ZEB1: variants seen among roughly 807,000 people sequenced by gnomAD.
ZEB1 encodes zinc finger E-box-binding homeobox 1.
A neutral mutation model predicts 84.9 loss-of-function variants in ZEB1; 21 were observed. That is an observed-to-expected ratio of 0.25 (90% confidence interval 0.18 to 0.36). ZEB1 has a LOEUF of 0.36. ZEB1 is among the 10% of genes least tolerant of loss of function. The pLI, the probability that ZEB1 is intolerant of heterozygous loss-of-function variation, is 1.00. For synonymous variants in ZEB1, 420 were observed against 471.1 expected, an observed-to-expected ratio of 0.89 and a Z score of 1.41; for missense variants, 1,104 against 1,330.2, an observed-to-expected ratio of 0.83 and a Z score of 2.65.
At chr10:31,438,604 A>G (rs1457681337) in intron 1 of ZEB1, among the ~76,000 whole-genome samples, 1 of 152,206 alleles carries the variant, frequency 6.6e-6, no homozygotes, top group East Asian at 1.9e-4. Context: ...TGGAAGGCCA[A>G]GCCGGAGGAT....
At chr10:31,499,662 G>T (rs1350487534) in intron 3 of ZEB1, among the ~76,000 whole-genome samples, 1 of 152,164 alleles carries the variant, frequency 6.6e-6, no homozygotes, top group Non-Finnish European at 1.5e-5. Flanking sequence ...CTACTCGGGA[G>T]GCTGAGGCGG....
chr10:31,437,451 A>G (rs1196182032), intron 1 of ZEB1, among the ~76,000 whole-genome samples: 1 of 152,228 alleles, frequency 6.6e-6, no homozygotes, highest in Non-Finnish European at 1.5e-5. Flanking sequence ...CTAGTTACCT[A>G]TAAATTGTTT....
At chr10:31,331,719 T>C (rs2036835949) in intron 1 of ZEB1, among the ~76,000 whole-genome samples, 1 of 152,142 alleles carries the variant, frequency 6.6e-6, no homozygotes, top group Admixed American at 6.5e-5. Flanking sequence ...TAGTGGAAAA[T>C]AATATTCCAT....
intron 1 of ZEB1, among the ~76,000 whole-genome samples, chr10:31,378,713 G>A (rs1286135651): frequency 6.6e-6 from 1 of 151,632 alleles, no homozygotes; most frequent in African/African-American, 2.4e-5. Context: ...TCATTAACAC[G>A]GTAAAAGTAA....
intron 1 of ZEB1, among the ~76,000 whole-genome samples, chr10:31,436,163 G>A (rs998514831): frequency 6.6e-6 from 1 of 152,120 alleles, no homozygotes; most frequent in South Asian, 2.1e-4. Flanking sequence ...GGAATTTATG[G>A]CATATGCAAT....
intron 1 of ZEB1, among the ~76,000 whole-genome samples, chr10:31,334,204 T>C (rs912186755): frequency 4.6e-5 from 7 of 152,152 alleles, no homozygotes; most frequent in Admixed American, 4.6e-4. Context: ...TATGGAACAT[T>C]GTATTCCACA....
At chr10:31,448,342 T>C in intron 1 of ZEB1, among the ~76,000 whole-genome samples, 1 of 105,230 alleles carries the variant, frequency 9.5e-6, no homozygotes, top group Non-Finnish European at 1.8e-5. Flanking sequence ...TTTCAACTTC[T>C]TTGCCTTTGG....
intron 2 of ZEB1, among the ~76,000 whole-genome samples, chr10:31,469,584 T>G (rs1221610429): frequency 6.6e-6 from 1 of 152,154 alleles, no homozygotes; most frequent in African/African-American, 2.4e-5. Flanking sequence ...TCTCGCTGAT[T>G]GCTAGCACAG....
chr10:31,461,663 C>CA (rs796118351), intron 2 of ZEB1, among the ~76,000 whole-genome samples: 13 of 152,206 alleles, frequency 8.5e-5, no homozygotes, highest in African/African-American at 3.1e-4. Flanking sequence ...CCTCTCTATA[C>CA]ATACATCAGA....
At chr10:31,390,651 C>A (rs1264118877) in intron 1 of ZEB1, among the ~76,000 whole-genome samples, 1 of 152,108 alleles carries the variant, frequency 6.6e-6, no homozygotes, top group Admixed American at 6.6e-5. Flanking sequence ...TATTTTCCTA[C>A]CATTGGTTTC....
At chr10:31,335,104 A>G (rs931583311) in intron 1 of ZEB1, among the ~76,000 whole-genome samples, 5 of 152,148 alleles carry the variant, frequency 3.3e-5, no homozygotes, top group African/African-American at 2.4e-5. Flanking sequence ...ATCACATGGT[A>G]GTACCCCCTT....
chr10:31,468,472 G>T (rs2137759239), intron 2 of ZEB1, among the ~76,000 whole-genome samples: 1 of 152,220 alleles, frequency 6.6e-6, no homozygotes, highest in Non-Finnish European at 1.5e-5. Flanking sequence ...TGGCCTGTAG[G>T]GTGAACTGCA....
At chr10:31,424,528 G>A (rs1044295677) in intron 1 of ZEB1, among the ~76,000 whole-genome samples, 5 of 152,020 alleles carry the variant, frequency 3.3e-5, no homozygotes, top group South Asian at 4.2e-4. Context: ...TCTGTTGTAC[G>A]TTAGGATTTG....
intron 2 of ZEB1, among the ~76,000 whole-genome samples, chr10:31,475,290 C>T (rs1366321485): frequency 6.6e-6 from 1 of 150,778 alleles, no homozygotes; most frequent in African/African-American, 2.4e-5. Context: ...TCAAGAAATA[C>T]AGGATTATGT....
chr10:31,473,993 A>G (rs2063681287), intron 2 of ZEB1, among the ~76,000 whole-genome samples: 2 of 152,238 alleles, frequency 1.3e-5, no homozygotes, highest in African/African-American at 4.8e-5. Flanking sequence ...GTTCTGGGAA[A>G]ACCGGCTAGC....
intron 1 of ZEB1, among the ~76,000 whole-genome samples, chr10:31,450,803 G>C (rs939686386): frequency 1.3e-5 from 2 of 151,892 alleles, no homozygotes; most frequent in Non-Finnish European, 2.9e-5. Flanking sequence ...CTAATATTAA[G>C]TAATGTTTGC....
chr10:31,410,487 A>T (rs1369284823), intron 1 of ZEB1, among the ~76,000 whole-genome samples: 1 of 152,132 alleles, frequency 6.6e-6, no homozygotes, highest in East Asian at 1.9e-4. Context: ...TGTATCTACC[A>T]GGTTTTGGTA....
intron 1 of ZEB1, chr10:31,360,964 G>T: frequency 6.2e-7 from 1 of 1,602,478 alleles, no homozygotes; most frequent in South Asian, 1.1e-5. Flanking sequence ...TATGGCGACC[G>T]CCACGGAGCA....
At chr10:31,433,703 T>C (rs944075259) in intron 1 of ZEB1, among the ~76,000 whole-genome samples, 1 of 152,208 alleles carries the variant, frequency 6.6e-6, no homozygotes, top group African/African-American at 2.4e-5. Context: ...AAAGTAATTT[T>C]TACTACTTCA....
Sources: allele counts gnomAD v4.1 joint callset (sites outside exome capture counted in the v4.1 genomes callset), GRCh38; gene constraint gnomAD v4.1.1; transcripts MANE v1.5; gene names NCBI Gene and HGNC (gene_info 2026-07-23, HGNC 2026-07-21).